Variants in SLC26A1 observed in about 807,000 individuals in gnomAD.
SLC26A1 encodes the protein sulfate anion transporter 1.
SLC26A1 carries 18 observed loss-of-function variants against 14.5 expected under a neutral mutation model. The observed-to-expected ratio is 1.24, with a 90% CI of 0.86 to 1.84. The LOEUF (loss-of-function observed/expected upper bound fraction) is 1.84. Ranked by LOEUF, SLC26A1 falls within the 40% of genes most tolerant of loss-of-function variation. The pLI, the probability that SLC26A1 is intolerant of heterozygous loss-of-function variation, is 0.00. For missense variants in SLC26A1, 1,049 were observed against 1,020.0 expected (o/e 1.03, Z -0.39); for synonymous variants, 505 against 492.0 (o/e 1.03, Z -0.35).
Position 989,490 on chromosome 4 carries a change from C to A in SLC26A1, c.1449G>T (p.Leu483=). ...VWAGTAATCM[L]VSTEAGLLAG... ...CCAGCAGCCCGGCCTCTGTGCTGAC[C>A]AGCATACAGGTGGCCGCGGTGCCTG... The change falls in exon 3 of 3, where the codon CTG becomes CTT. Residue 483 remains leucine, a synonymous_variant. Coordinates refer to ENST00000398516, the MANE Select transcript of SLC26A1 (RefSeq NM_022042.4). 1 of 1,555,000 alleles carries A rather than the reference C, an allele frequency of 6.4e-7. No individual in the cohort carries two copies. Among genetic ancestry groups the A allele is most frequent in the Non-Finnish European group, 8.7e-7 (1 of 1,149,878 alleles).
At chr4:979,855 C>T (rs1450285126) in intron 2 of SLC26A1, among the ~76,000 whole-genome samples, 3 of 152,244 alleles carry the variant, frequency 2.0e-5, no homozygotes, top group Non-Finnish European at 2.9e-5. Context: ...AGCTACTGGC[C>T]CCTTCTAGCT....
Position 988,022 on chromosome 4 carries a change from C to T in SLC26A1, c.*811G>A. ...ACAGATGGGAGGGGAGGGCTGGGGG[C>T]TGCTCGGAAGACCCCTTGTTCCCCC... On this transcript the variant is annotated 3_prime_UTR_variant, in exon 3 of 3. Coordinates refer to ENST00000398516, the MANE Select transcript of SLC26A1 (RefSeq NM_022042.4). 2 of 1,503,052 alleles carry T rather than the reference C, an allele frequency of 1.3e-6. No individual in the cohort carries two copies. The highest frequency in any genetic ancestry group is 1.8e-6 in the Non-Finnish European group (2 of 1,120,972). 93.1% of individuals were successfully genotyped at this position (1,503,052 alleles called of 1,614,324 possible).
chr4:988,494 A>T lies in SLC26A1; in HGVS notation c.*339T>A. The T allele has an allele frequency of 8.8e-7, 1 of 1,133,976 alleles. No individual in the cohort carries two copies. The highest frequency in any genetic ancestry group is 1.1e-6 in the Non-Finnish European group (1 of 923,366). The allele number at this position is 1,133,976 out of a possible 1,614,324, so 70.2% of individuals were successfully genotyped here. A position where few individuals can be genotyped will look rare whatever the true frequency, so the allele number is the denominator to read the frequency against. ...GTCCTCTTGGCACCTTGGAGGCTGC[A>T]TGATGGCGGGGGACCCTTGTTCAAA... On this transcript the variant is annotated 3_prime_UTR_variant, in exon 3 of 3. Transcript: ENST00000398516.
intron 2 of SLC26A1, chr4:990,690 C>T (rs1714220397): frequency 4.6e-6 from 2 of 432,418 alleles, no homozygotes; most frequent in Non-Finnish European, 8.3e-6. Context: ...CTTCCTGCTG[C>T]TTCCTACACA....
Position 989,797 on chromosome 4 carries a change from C to G in SLC26A1, c.1142G>C (p.Gly381Ala). 1 of 1,572,294 alleles carries G rather than the reference C, an allele frequency of 6.4e-7. No homozygotes were observed. Among genetic ancestry groups the G allele is most frequent in the Non-Finnish European group, 8.6e-7 (1 of 1,159,648 alleles). ...VRANQELLAV[G>A]CCNVLPAFLH... ...GAAGGCGGGTAGCACGTTGCAGCAG[C>G]CCACAGCCAGCAGCTCCTGGTTGGC... The change falls in exon 3 of 3, where the codon GGC (glycine) becomes GCC (alanine). Residue 381 changes from glycine (G) to alanine (A), a missense_variant. Coordinates refer to ENST00000398516, the MANE Select transcript of SLC26A1 (RefSeq NM_022042.4).
At position 990,266 on chromosome 4, in the gene SLC26A1, TC is replaced by T; in HGVS notation, c.672del (p.Thr225ProfsTer26). On this transcript the variant is annotated frameshift_variant, in exon 3 of 3. Coordinates refer to ENST00000398516, the MANE Select transcript of SLC26A1 (RefSeq NM_022042.4). LOFTEE classifies it low-confidence loss of function (END_TRUNC). Reference sequence around the variant, plus strand: ...CCCAGCAGGTGTTTGAGCTGCGAGGTCAGGATGGTCACGGAGGCCCCCATGG... The same window carrying T: ...CCCAGCAGGTGTTTGAGCTGCGAGGTAGGATGGTCACGGAGGCCCCCATGG... ...GFAMGASVTI[L>X]TSQLKHLLGV... 1 of 1,595,370 alleles carries T rather than the reference TC, an allele frequency of 6.3e-7. No homozygotes were observed.
downstream of SLC26A1, among the ~76,000 whole-genome samples, chr4:983,268 C>A (rs1368661517): frequency 1.3e-5 from 2 of 152,254 alleles, no homozygotes; most frequent in Admixed American, 1.3e-4. Flanking sequence ...CCTTCTCCTG[C>A]CTCCTGTCTC....
In SLC26A1 at chr4:988,089, C is replaced by A. The variant is rs1218353073; in HGVS notation, c.*744G>T. 4.9e-5 allele frequency: 71 copies of A among 1,451,488 alleles called. No individual in the cohort carries two copies. Among genetic ancestry groups the A allele is most frequent in the Non-Finnish European group, 6.1e-5 (67 of 1,101,326 alleles). The allele number at this position is 1,451,488 out of a possible 1,614,324, so 89.9% of individuals were successfully genotyped here. A position where few individuals can be genotyped will look rare whatever the true frequency, so the allele number is the denominator to read the frequency against. ...CCCTGTTGGGGAGAGCGTGTCCTTG[C>A]TGGCTGTGCTGGGGTGAGGGCTGTG... On this transcript the variant is annotated 3_prime_UTR_variant, in exon 3 of 3. Coordinates refer to ENST00000398516, the MANE Select transcript of SLC26A1 (RefSeq NM_022042.4).
At chr4:982,600 C>T (rs947846377) in intron 2 of SLC26A1, among the ~76,000 whole-genome samples, 7 of 152,220 alleles carry the variant, frequency 4.6e-5, no homozygotes, top group East Asian at 1.9e-4. Context: ...TGAGGGCCTC[C>T]GCCGACCAGT....
At chr4:981,068 C>T (rs570738942) in intron 2 of SLC26A1, among the ~76,000 whole-genome samples, 16 of 152,304 alleles carry the variant, frequency 1.1e-4, no homozygotes, top group African/African-American at 2.6e-4. Context: ...GCGTGCGTCA[C>T]GTCACGCAGA....
downstream of SLC26A1, chr4:986,775 AG>A: frequency 1.9e-6 from 1 of 532,638 alleles, no homozygotes. Context: ...ACAAAAACAG[AG>A]AAAAACAAGA....
At position 987,724 on chromosome 4, in the gene SLC26A1, G is replaced by T; in HGVS notation, c.*1109C>A. The T allele has an allele frequency of 6.3e-7, 1 of 1,588,092 alleles. No individual in the cohort carries two copies. The highest frequency in any genetic ancestry group is 8.6e-7 in the Non-Finnish European group (1 of 1,167,322). On this transcript the variant is annotated 3_prime_UTR_variant, in exon 3 of 3. Coordinates refer to ENST00000398516, the MANE Select transcript of SLC26A1 (RefSeq NM_022042.4). ...GGCAGCGCCTGGATCCTGCGCCCGGGCAGTCCTGGGCTTGAACGTGTGTGT... is the reference window on the plus strand; with the variant it reads ...GGCAGCGCCTGGATCCTGCGCCCGGTCAGTCCTGGGCTTGAACGTGTGTGT...
In SLC26A1 at chr4:990,348, G is replaced by A. The variant is rs1210372436; in HGVS notation, c.591C>T (p.Val197=). The change falls in exon 3 of 3, where the codon GTC becomes GTT. Residue 197 remains valine, a synonymous_variant. Coordinates refer to ENST00000398516, the MANE Select transcript of SLC26A1 (RefSeq NM_022042.4). ...AGGCGGACACGAAGCCCAGCCGGAG[G>A]ACGCCCATGAGGACCTGTGGACGGA... ...MTGLYQVLMG[V]LRLGFVSAYL... is the part of the protein sequence containing the mutation. 14 of 1,600,648 alleles carry A rather than the reference G, an allele frequency of 8.7e-6. No homozygotes were observed. The Middle Eastern group carries it at 1.0e-3, about 117-fold the overall frequency.
In SLC26A1 at chr4:991,721, C is replaced by A; in HGVS notation, c.-18G>T. The stretch of plus-strand genomic sequence containing the variant: ...TCGTCCATCCTGTTGCGTCAGGTCC[C>A]GTGGCCGACCTGCGGCCGAGAAGAG... On this transcript the variant is annotated 5_prime_UTR_variant, in exon 2 of 3. Transcript: ENST00000398516. 2.6e-6 allele frequency: 4 copies of A among 1,533,508 alleles called. No individual in the cohort carries two copies. The South Asian group carries it at 4.9e-5, about 19-fold the overall frequency. 95.0% of individuals were successfully genotyped at this position (1,533,508 alleles called of 1,614,324 possible). A position where few individuals can be genotyped will look rare whatever the true frequency, so the allele number is the denominator to read the frequency against.
At position 989,751 on chromosome 4, in the gene SLC26A1, G is replaced by A. The variant is rs773383372; in HGVS notation, c.1188C>T (p.Ser396=). The A allele has an allele frequency of 2.1e-5, 32 of 1,557,278 alleles. No homozygotes were observed. In the East Asian group the frequency reaches 2.2e-4, roughly 10 times the overall value. ...LPAFLHCFAT[S]AALAKSLVKT... ...TCACCAGGCTCTTGGCCAGGGCGGC[G>A]CTGGTGGCGAAGCAGTGGAGGAAGG... Residue 396 remains serine, a synonymous_variant, in exon 3 of 3, where the codon AGC becomes AGT. Transcript: ENST00000398516.
At chr4:987,508 G>A (rs954794453), downstream of SLC26A1, 70 of 832,206 alleles carry the variant, frequency 8.4e-5, no homozygotes, top group Non-Finnish European at 1.1e-4. Context: ...GGGAGTGGAC[G>A]GCCCTGCAGC....
chr4:988,535 G>A lies in SLC26A1; in HGVS notation c.*298C>T. 1 of 1,228,416 alleles carries A rather than the reference G, an allele frequency of 8.1e-7. No individual in the cohort carries two copies. The highest frequency in any genetic ancestry group is 1.6e-5 in the African/African-American group (1 of 64,282). The allele number at this position is 1,228,416 out of a possible 1,614,324, so 76.1% of individuals were successfully genotyped here. A position where few individuals can be genotyped will look rare whatever the true frequency, so the allele number is the denominator to read the frequency against. On this transcript the variant is annotated 3_prime_UTR_variant, in exon 3 of 3. Transcript: ENST00000398516. ...CTTGTTCAAATAAGATGTCAACCCT[G>A]AGCGTCAGGTCAGGCCCATCCCTCC...
chr4:981,371 G>A (rs1713536100), intron 2 of SLC26A1, among the ~76,000 whole-genome samples: 1 of 152,298 alleles, frequency 6.6e-6, no homozygotes, highest in Admixed American at 6.5e-5. Flanking sequence ...CAGCACTTTG[G>A]GAGGCTGAGG....
chr4:980,095 G>C (rs1255580707), intron 2 of SLC26A1, among the ~76,000 whole-genome samples: 1 of 152,224 alleles, frequency 6.6e-6, no homozygotes, highest in Non-Finnish European at 1.5e-5. Flanking sequence ...ACACTGCCAG[G>C]TGAGATCAGG....
Sources: allele counts gnomAD v4.1 joint callset (sites outside exome capture counted in the v4.1 genomes callset), GRCh38; gene constraint gnomAD v4.1.1; transcripts MANE v1.5; gene names NCBI Gene and HGNC (gene_info 2026-07-23, HGNC 2026-07-21).